The following SGCZ variants were observed in gnomAD, a reference collection of about 807,000 sequenced individuals.
SGCZ encodes zeta-sarcoglycan.
Under a neutral mutation model 41.3 loss-of-function variants are expected in SGCZ, and 40 were observed. The observed-to-expected ratio is 0.97, with a 90% CI of 0.75 to 1.26. The LOEUF (loss-of-function observed/expected upper bound fraction) is 1.26, where lower values mean the gene tolerates loss of function less well. Among genes scored for constraint, SGCZ ranks in the 50% most tolerant of loss-of-function variants. The probability of loss-of-function intolerance (pLI) is 0.00; values close to 1 mark genes in which losing one functional copy is unlikely to be tolerated. For missense variants in SGCZ, 552 were observed against 369.8 expected, an observed-to-expected ratio of 1.49 and a Z score of -4.04; for synonymous variants, 206 against 137.5, an observed-to-expected ratio of 1.50 and a Z score of -3.49.
At chr8:14,438,931 C>G (rs911247114) in intron 2 of SGCZ, among the ~76,000 whole-genome samples, 2 of 151,926 alleles carry the variant, frequency 1.3e-5, no homozygotes, top group African/African-American at 2.4e-5. Flanking sequence ...ATTCTGTTTT[C>G]CTTTTTAAAA....
At chr8:14,901,666 T>C (rs572063375) in intron 1 of SGCZ, among the ~76,000 whole-genome samples, 1 of 152,220 alleles carries the variant, frequency 6.6e-6, no homozygotes, top group East Asian at 1.9e-4. Flanking sequence ...GAAACAGTCC[T>C]TCTCACATTC....
chr8:15,048,412 A>G (rs1272663095), intron 1 of SGCZ, among the ~76,000 whole-genome samples: 2 of 152,080 alleles, frequency 1.3e-5, no homozygotes, highest in African/African-American at 4.8e-5. Flanking sequence ...CTAGTGTTCA[A>G]TAGCTCAGTA....
At chr8:14,433,548 TGACCAA>T (rs1800005065) in intron 2 of SGCZ, among the ~76,000 whole-genome samples, 1 of 152,164 alleles carries the variant, frequency 6.6e-6, no homozygotes, top group Non-Finnish European at 1.5e-5. Context: ...CAAAATGAGT[TGACCAA>T]GGCCCCAAAC....
At chr8:15,210,493 CT>C (rs11330564) in intron 1 of SGCZ, among the ~76,000 whole-genome samples, 127,017 of 151,980 alleles carry the variant, frequency 0.84, 53,538 homozygotes, top group South Asian at 0.89. Flanking sequence ...GTTGCTCTGA[CT>C]TTACCCTTTG....
intron 1 of SGCZ, among the ~76,000 whole-genome samples, chr8:14,948,281 T>C (rs1800518807): frequency 6.6e-6 from 1 of 152,150 alleles, no homozygotes; most frequent in African/African-American, 2.4e-5. Flanking sequence ...TATAATAAGA[T>C]GATGAGAACT....
At position 14,567,844 on chromosome 8, in the gene SGCZ, C is replaced by A. The variant is rs572922288; in HGVS notation, c.40-12918G>T. Among the ~76,000 whole-genome samples, 6 of 152,270 alleles carry A rather than the reference C, an allele frequency of 3.9e-5. No individual in the cohort carries two copies. In the East Asian group the frequency reaches 1.2e-3, roughly 29 times the overall value. ...GAGCTGTAACACTCACTGCGAAGGT[C>A]TGCAGCTTCACTCCTGAGCCAGAGA... On this transcript the variant is annotated intron_variant, in intron 1 of 7. Transcript: ENST00000382080.
chr8:14,828,052 G>C (rs1398661385), intron 1 of SGCZ, among the ~76,000 whole-genome samples: 1 of 152,170 alleles, frequency 6.6e-6, no homozygotes, highest in Non-Finnish European at 1.5e-5. Context: ...AGAAGCTGCT[G>C]ATCACACATC....
intron 5 of SGCZ, among the ~76,000 whole-genome samples, chr8:14,161,113 G>A (rs769689497): frequency 1.3e-5 from 2 of 152,134 alleles, no homozygotes; most frequent in African/African-American, 2.4e-5. Flanking sequence ...AAGCACCCTG[G>A]AGTCAATGTC....
chr8:14,918,732 A>C (rs899747235), intron 1 of SGCZ, among the ~76,000 whole-genome samples: 1 of 152,232 alleles, frequency 6.6e-6, no homozygotes, highest in African/African-American at 2.4e-5. Flanking sequence ...TGTTCTGAAG[A>C]GGTCATGCAA....
chr8:14,682,858 T>C (rs1239367363), intron 1 of SGCZ, among the ~76,000 whole-genome samples: 2 of 152,204 alleles, frequency 1.3e-5, no homozygotes, highest in Non-Finnish European at 2.9e-5. Flanking sequence ...GATTTAAAGG[T>C]AAATTGGGCT....
intron 1 of SGCZ, among the ~76,000 whole-genome samples, chr8:15,040,541 C>T (rs988690307): frequency 7.9e-5 from 12 of 152,050 alleles, no homozygotes; most frequent in African/African-American, 2.7e-4. Flanking sequence ...CGCTTGTAAC[C>T]GGGAGGCGGA....
At chr8:14,105,340 G>C (rs1431618994) in intron 6 of SGCZ, among the ~76,000 whole-genome samples, 1 of 152,000 alleles carries the variant, frequency 6.6e-6, no homozygotes, top group Non-Finnish European at 1.5e-5. Flanking sequence ...ATAAACTTTT[G>C]AAATGTATTT....
chr8:14,144,723 C>A (rs935539395), intron 5 of SGCZ, among the ~76,000 whole-genome samples: 5 of 152,148 alleles, frequency 3.3e-5, no homozygotes, highest in African/African-American at 4.8e-5. Context: ...GCACTATGGA[C>A]CTGCTGTGGG....
intron 2 of SGCZ, among the ~76,000 whole-genome samples, chr8:14,455,391 C>G: frequency 6.6e-6 from 1 of 151,716 alleles, no homozygotes. Flanking sequence ...TAAACAGGCC[C>G]TCTCACATAT....
chr8:15,175,926 G>T (rs78017267), intron 1 of SGCZ, among the ~76,000 whole-genome samples: 1 of 152,094 alleles, frequency 6.6e-6, no homozygotes, highest in Admixed American at 6.6e-5. Context: ...AGGAAGATGG[G>T]CTAAATTCAG....
At chr8:14,945,730 T>A (rs1355245152) in intron 1 of SGCZ, among the ~76,000 whole-genome samples, 1 of 151,490 alleles carries the variant, frequency 6.6e-6, no homozygotes, top group Non-Finnish European at 1.5e-5. Context: ...GAATTCTCTT[T>A]CTCCCTCTCC....
intron 1 of SGCZ, among the ~76,000 whole-genome samples, chr8:14,575,929 A>AAAG (rs1804696295): frequency 7.4e-6 from 1 of 135,740 alleles, no homozygotes; most frequent in African/African-American, 2.6e-5. Context: ...AAAAAAAAAA[A>AAAG]AAAAAAGAAA....
rs1801526052 is a variant in SGCZ, at chr8:14,086,478, G to A, written c.*3965C>T. The stretch of plus-strand genomic sequence containing the variant: ...ATAGAATATGTAGGAATTTTGAATG[G>A]AATAAAACAGTTCAGCAATTAACCT... On this transcript the variant is annotated 3_prime_UTR_variant, in exon 8 of 8. Coordinates refer to ENST00000382080, the MANE Select transcript of SGCZ (RefSeq NM_139167.4). Among the ~76,000 whole-genome samples the A allele has an allele frequency of 6.6e-6, 1 of 151,588 alleles. No individual in the cohort carries two copies. The highest frequency in any genetic ancestry group is 2.1e-4 in the South Asian group (1 of 4,834).
intron 2 of SGCZ, 63 bp from the exon 3 acceptor site, chr8:14,324,267 T>C: frequency 8.4e-7 from 1 of 1,193,140 alleles, no homozygotes; most frequent in South Asian, 1.2e-5. Context: ...TGGCCATAAT[T>C]TTCTTAGGCC....
Sources: gnomAD v4.1 joint callset for allele counts (sites outside exome capture counted in the v4.1 genomes callset) on GRCh38, gnomAD v4.1.1 for gene constraint, MANE v1.5 for transcripts, NCBI Gene and HGNC (gene_info 2026-07-23, HGNC 2026-07-21) for gene names.